TTC6: variants seen among roughly 807,000 people sequenced by gnomAD.
TTC6 encodes tetratricopeptide repeat domain 6, also known as tetratricopeptide repeat protein 6.
TTC6 carries 172 observed loss-of-function variants against 210.4 expected under a neutral mutation model. That is an observed-to-expected ratio of 0.82 (90% CI 0.72 to 0.93). The LOEUF (loss-of-function observed/expected upper bound fraction) is 0.93. Ranked by LOEUF, TTC6 falls within the 40% of genes least tolerant of loss-of-function variation. The probability of loss-of-function intolerance (pLI) is 0.00; values close to 1 mark genes in which losing one functional copy is unlikely to be tolerated. For synonymous variants in TTC6, 804 were observed against 819.6 expected, an observed-to-expected ratio of 0.98 and a Z score of 0.32; for missense variants, 2,414 against 2,318.1, an observed-to-expected ratio of 1.04 and a Z score of -0.85.
chr14:37,760,708 C>T (rs1320436527), intron 14 of TTC6, among the ~76,000 whole-genome samples: 1 of 152,162 alleles, frequency 6.6e-6, no homozygotes, highest in South Asian at 2.1e-4. Flanking sequence ...TTCAGAGACA[C>T]CCTGCCCAGT....
intron 24 of TTC6, 116 bp from the exon 27 acceptor site, chr14:37,812,197 TA>T: frequency 9.3e-7 from 1 of 1,074,296 alleles, no homozygotes; most frequent in Non-Finnish European, 1.3e-6. Flanking sequence ...CCATAAATTA[TA>T]AAACAAATTG....
chr14:37,749,896 G>T, intron 12 of TTC6, 53 bp downstream of exon 14: 1 of 1,167,646 alleles, frequency 8.6e-7, no homozygotes, highest in East Asian at 3.2e-5. Flanking sequence ...CTCAGCCTTT[G>T]TCATTTATTG....
intron 26 of TTC6, among the ~76,000 whole-genome samples, chr14:37,818,452 T>G (rs1171998989): frequency 6.6e-6 from 1 of 152,090 alleles, no homozygotes; most frequent in Non-Finnish European, 1.5e-5. Flanking sequence ...AATAATAGTT[T>G]ATAGCTTTTT....
chr14:37,597,254 C>A (rs1594984562), intron 1 of TTC6, among the ~76,000 whole-genome samples: 1 of 152,096 alleles, frequency 6.6e-6, no homozygotes, highest in Admixed American at 6.6e-5. Context: ...GTAAAGTATA[C>A]GGATGCTTAG....
chr14:37,638,134 A>G (rs889099935), intron 1 of TTC6, among the ~76,000 whole-genome samples: 20 of 152,230 alleles, frequency 1.3e-4, no homozygotes, highest in African/African-American at 4.8e-4. Flanking sequence ...AAAGGAAATG[A>G]AGTATTGATA....
chr14:37,741,273 C>CTTTTTTT (rs10600031), intron 10 of TTC6, among the ~76,000 whole-genome samples: 1 of 82,278 alleles, frequency 1.2e-5, no homozygotes, highest in African/African-American at 5.6e-5. Context: ...TTTTTTCCCA[C>CTTTTTTT]TTTTTTTTTT....
intron 14 of TTC6, among the ~76,000 whole-genome samples, chr14:37,768,541 G>A (rs1275253140): frequency 4.6e-5 from 7 of 152,094 alleles, no homozygotes; most frequent in Non-Finnish European, 5.9e-5. Context: ...GGATTCCTAC[G>A]TATTTTATTC....
At chr14:37,791,239 C>A (rs563676334) in intron 16 of TTC6, among the ~76,000 whole-genome samples, 128 of 152,138 alleles carry the variant, frequency 8.4e-4, no homozygotes, top group African/African-American at 3.0e-3. Context: ...GGATACAACT[C>A]AATGGAAGGC....
intron 1 of TTC6, among the ~76,000 whole-genome samples, chr14:37,629,150 G>A (rs1258985962): frequency 1.3e-5 from 2 of 152,106 alleles, no homozygotes; most frequent in Non-Finnish European, 2.9e-5. Flanking sequence ...AAGAAAGTCA[G>A]TGGTAGCTTG....
intron 3 of TTC6, among the ~76,000 whole-genome samples, chr14:37,684,694 A>G (rs1001244514): frequency 2.0e-5 from 3 of 152,140 alleles, no homozygotes; most frequent in Non-Finnish European, 4.4e-5. Context: ...ATATTTATTT[A>G]TTTGTGTTAA....
intron 1 of TTC6, among the ~76,000 whole-genome samples, chr14:37,655,324 A>G (rs904140522): frequency 1.3e-5 from 2 of 152,216 alleles, no homozygotes; most frequent in Non-Finnish European, 2.9e-5. Context: ...AAAAAAATGG[A>G]TAGTTTCTCA....
intron 7 of TTC6, among the ~76,000 whole-genome samples, chr14:37,725,335 T>TAA (rs1351983083): frequency 1.0e-5 from 1 of 95,760 alleles, no homozygotes; most frequent in Non-Finnish European, 2.3e-5. Context: ...TATATATATA[T>TAA]ATATATATAT....
chr14:37,817,448 G>C, intron 25 of TTC6, 130 bp from the exon 28 acceptor site: 2 of 707,460 alleles, frequency 2.8e-6, no homozygotes, highest in Non-Finnish European at 4.7e-6. Context: ...TTTAATGCTT[G>C]TGTCACATGT....
At chr14:37,683,115 A>C (rs2095787596) in intron 3 of TTC6, among the ~76,000 whole-genome samples, 151 bp downstream of exon 5, 1 of 152,148 alleles carries the variant, frequency 6.6e-6, no homozygotes. Context: ...CAGAAGTGCA[A>C]GTTGCCCACT....
At chr14:37,751,859 T>A (rs367981556) in intron 13 of TTC6, among the ~76,000 whole-genome samples, 3 of 141,472 alleles carry the variant, frequency 2.1e-5, no homozygotes, top group East Asian at 4.2e-4. Flanking sequence ...AGTCTTGCGC[T>A]GTTGCCCAGG....
rs77278373 is a variant in TTC6, at chr14:37,741,715, G to A, written c.2363+2560G>A. 2.6e-4 allele frequency among the ~76,000 whole-genome samples: 39 copies of A among 152,204 alleles called. No individual in the cohort carries two copies. The East Asian group carries it at 7.4e-3, about 29-fold the overall frequency. ...CCCTTAATGGTGGGAAGCAGACTGC[G>A]TATGTTCTTATACATCAAGTTGAAT... On this transcript the variant is annotated intron_variant, in intron 10 of 30. Transcript: ENST00000553443.
chr14:37,735,975 A>G, exon 8 of TTC6: 2 of 1,534,480 alleles, frequency 1.3e-6, no homozygotes, highest in South Asian at 2.4e-5. Context: ...AAGCAGTGTC[A>G]TTACTTTACA....
chr14:37,657,200 G>GA (rs1566868258), intron 1 of TTC6, among the ~76,000 whole-genome samples: 1 of 92,634 alleles, frequency 1.1e-5, no homozygotes, highest in Admixed American at 1.8e-4. Flanking sequence ...CAACATGAGC[G>GA]AAACTCTGTC....
intron 1 of TTC6, among the ~76,000 whole-genome samples, chr14:37,599,076 G>T (rs2095610203): frequency 6.6e-6 from 1 of 152,294 alleles, no homozygotes; most frequent in African/African-American, 2.4e-5. Context: ...GGAAGGCCTG[G>T]GACGCTGGAA....
Sources: allele counts gnomAD v4.1 joint callset (sites outside exome capture counted in the v4.1 genomes callset), GRCh38; gene constraint gnomAD v4.1.1; transcripts MANE v1.5; gene names NCBI Gene and HGNC (gene_info 2026-07-23, HGNC 2026-07-21).